The following PIEZO2 variants were observed in gnomAD, a reference collection of about 807,000 sequenced individuals.
The protein encoded by PIEZO2 is piezo type mechanosensitive ion channel component 2.
Under a neutral mutation model 337.3 loss-of-function variants are expected in PIEZO2, and 172 were observed. The observed-to-expected ratio is 0.51, with a 90% CI of 0.45 to 0.58. The LOEUF is 0.58. PIEZO2 is among the 20% of genes least tolerant of loss of function. PIEZO2 has a pLI of 0.00. For missense variants in PIEZO2, 3,028 were observed against 3,391.3 expected, an observed-to-expected ratio of 0.89 and a Z score of 2.66; for synonymous variants, 1,251 against 1,228.5, an observed-to-expected ratio of 1.02 and a Z score of -0.38.
intron 3 of PIEZO2, among the ~76,000 whole-genome samples, chr18:10,972,490 A>G (rs1197304628): frequency 1.3e-5 from 2 of 152,088 alleles, no homozygotes; most frequent in Admixed American, 1.3e-4. Flanking sequence ...TGCGGTGGAG[A>G]GGTTGCTAAG....
At chr18:10,920,251 G>C (rs182695229) in intron 3 of PIEZO2, among the ~76,000 whole-genome samples, 1 of 152,192 alleles carries the variant, frequency 6.6e-6, no homozygotes. Flanking sequence ...GAAACAATGG[G>C]GCAATTGGGC....
intron 3 of PIEZO2, among the ~76,000 whole-genome samples, chr18:10,947,293 C>T (rs1482499942): frequency 1.3e-5 from 2 of 152,110 alleles, no homozygotes; most frequent in African/African-American, 4.8e-5. Flanking sequence ...AAGGGAATGA[C>T]ATTTCAAATT....
Position 10,828,116 on chromosome 18 carries a change from G to A in PIEZO2, c.918-20842C>T, listed in dbSNP as rs573611637. 6.2e-4 allele frequency among the ~76,000 whole-genome samples: 80 copies of A among 128,438 alleles called. No homozygotes were observed. The highest frequency in any genetic ancestry group is 4.5e-3 in the South Asian group (18 of 3,968). The allele number at this position is 128,438 out of a possible 152,430, so 84.3% of individuals were successfully genotyped here. On this transcript the variant is annotated intron_variant, in intron 7 of 55. Transcript: ENST00000674853. The surrounding 1 kb of genome is among the most constrained non-coding windows in gnomAD (Gnocchi z 4.1). ...TAGACAAGCTCGAAATAGCATGACG[G>A]TTTTTTTTTGTTTGTTTGTTTTTGT...
In PIEZO2 at chr18:11,021,513, CAG is replaced by C. The variant is rs2036309175; in HGVS notation, c.161-41855_161-41854del. 6.6e-6 allele frequency among the ~76,000 whole-genome samples: 1 copy of C among 152,172 alleles called. No homozygotes were observed. Among genetic ancestry groups the C allele is most frequent in the Admixed American group, 6.5e-5 (1 of 15,282 alleles). On this transcript the variant is annotated intron_variant, in intron 2 of 55. Coordinates refer to ENST00000674853, the MANE Select transcript of PIEZO2 (RefSeq NM_001378183.1). This position sits in a 1 kb window ranked among gnomAD's most constrained non-coding sequence, Gnocchi z 4.7. The stretch of plus-strand genomic sequence containing the variant: ...TGCAAATTTGAGTTGAGTTTCTGAG[CAG>C]ACTCTCCTGCTTCAGCCGCCAATGG...
intron 2 of PIEZO2, among the ~76,000 whole-genome samples, chr18:11,036,035 C>T (rs974514017): frequency 1.3e-5 from 2 of 152,170 alleles, no homozygotes; most frequent in Non-Finnish European, 2.9e-5. Context: ...AGGCCTCTGT[C>T]CCTCATCCAG....
At chr18:10,730,120 C>T (rs1042606257) in intron 36 of PIEZO2, among the ~76,000 whole-genome samples, 2 of 152,162 alleles carry the variant, frequency 1.3e-5, no homozygotes, top group African/African-American at 2.4e-5. Context: ...AACACCTAGG[C>T]GTGGGACTGA....
At chr18:10,807,394 T>C (rs754300349) in intron 7 of PIEZO2, 120 bp from the exon 8 acceptor site, 10 of 856,754 alleles carry the variant, frequency 1.2e-5, no homozygotes, top group Non-Finnish European at 1.7e-5. Flanking sequence ...TCCGTTCTAT[T>C]GTAGATATTT....
chr18:10,802,213 A>G (rs2039848559), intron 9 of PIEZO2, among the ~76,000 whole-genome samples: 1 of 152,128 alleles, frequency 6.6e-6, no homozygotes, highest in African/African-American at 2.4e-5. Flanking sequence ...CTTTTTAACT[A>G]GTAATACATT....
Position 10,954,109 on chromosome 18 carries a change from T to C in PIEZO2, c.286+25426A>G, listed in dbSNP as rs1049641181. On this transcript the variant is annotated intron_variant, in intron 3 of 55. Transcript: ENST00000674853. This position sits in a 1 kb window ranked among gnomAD's most constrained non-coding sequence, Gnocchi z 4.2. ...TATATAACTCAGTCTTGAAATCAGA[T>C]AGTGTAAATCTTCAAATTTTTATTT... Among the ~76,000 whole-genome samples, 9 of 152,208 alleles carry C rather than the reference T, an allele frequency of 5.9e-5. No homozygotes were observed. The highest frequency in any genetic ancestry group is 1.9e-4 in the African/African-American group (8 of 41,454).
Position 11,149,244 on chromosome 18 carries a change from G to A in PIEZO2, c.-656C>T, listed in dbSNP as rs1363733548. On this transcript the variant is annotated 5_prime_UTR_variant, in exon 1 of 56. Transcript: ENST00000674853. This position sits in a 1 kb window ranked among gnomAD's most constrained non-coding sequence, Gnocchi z 8.7. The stretch of plus-strand genomic sequence containing the variant: ...CTCAGCCCCTGCGCCCCCCAGCTTC[G>A]GGCCGGAGAGACCGGGGTGGGAGCT... Among the ~76,000 whole-genome samples, 3 of 151,814 alleles carry A rather than the reference G, an allele frequency of 2.0e-5. No individual in the cohort carries two copies. The highest frequency in any genetic ancestry group is 4.4e-5 in the Non-Finnish European group (3 of 67,914).
chr18:11,091,941 G>A lies in PIEZO2; in HGVS notation c.65-25719C>T, dbSNP rs371058235. ...TCACACGACAACCTCCTAAAGCAGA[G>A]AATTTCCTGCCACACGAGTCAGTAA... On this transcript the variant is annotated intron_variant, in intron 1 of 55. Coordinates refer to ENST00000674853, the MANE Select transcript of PIEZO2 (RefSeq NM_001378183.1). Among the ~76,000 whole-genome samples, 70 of 152,296 alleles carry A rather than the reference G, an allele frequency of 4.6e-4. No homozygotes were observed. The South Asian group carries it at 0.014, about 31-fold the overall frequency.
intron 45 of PIEZO2, among the ~76,000 whole-genome samples, chr18:10,697,207 G>T (rs7230646): frequency 0.1 from 15,849 of 152,094 alleles, 1,648 homozygotes; most frequent in African/African-American, 0.26. Flanking sequence ...TCAACGCCAC[G>T]TTCAGGTGCC....
chr18:10,938,595 C>T (rs2032531625), intron 3 of PIEZO2, among the ~76,000 whole-genome samples: 1 of 152,092 alleles, frequency 6.6e-6, no homozygotes, highest in Admixed American at 6.5e-5. Context: ...TAGGCTTTAC[C>T]TGTCATGAAT....
intron 45 of PIEZO2, among the ~76,000 whole-genome samples, chr18:10,696,816 C>T (rs1305665667): frequency 6.6e-6 from 1 of 152,162 alleles, no homozygotes; most frequent in African/African-American, 2.4e-5. Context: ...TGGTATGATG[C>T]CCTGGGAACG....
rs2035632082 is a variant in PIEZO2 at position 10,707,467 on chromosome 18, C to T, written c.5588+808G>A. Reference sequence around the variant, plus strand: ...CACGGCTGCCAGTGAAAAGAAGATGCCCTCTGACTTGCCACCATGAGCAGT... The same window carrying T: ...CACGGCTGCCAGTGAAAAGAAGATGTCCTCTGACTTGCCACCATGAGCAGT... On this transcript the variant is annotated intron_variant, in intron 40 of 55. Transcript: ENST00000674853. The surrounding 1 kb of genome is among the most constrained non-coding windows in gnomAD (Gnocchi z 4.2). 6.6e-6 allele frequency among the ~76,000 whole-genome samples: 1 copy of T among 152,070 alleles called. No homozygotes were observed. The highest frequency in any genetic ancestry group is 2.1e-4 in the South Asian group (1 of 4,814).
chr18:10,807,582 C>T (rs1405793731), intron 7 of PIEZO2, among the ~76,000 whole-genome samples: 2 of 152,194 alleles, frequency 1.3e-5, no homozygotes, highest in Non-Finnish European at 2.9e-5. Flanking sequence ...AATTCTTGCA[C>T]ATCTATTAGA....
chr18:10,959,007 G>C (rs747785326), intron 3 of PIEZO2, among the ~76,000 whole-genome samples: 2 of 152,122 alleles, frequency 1.3e-5, no homozygotes, highest in Non-Finnish European at 2.9e-5. Flanking sequence ...TAAAATAAAT[G>C]CCTGTGACTG....
chr18:10,938,760 T>C (rs1555679300), intron 3 of PIEZO2, among the ~76,000 whole-genome samples: 1 of 152,206 alleles, frequency 6.6e-6, no homozygotes, highest in Non-Finnish European at 1.5e-5. Context: ...ATGAAAGAGA[T>C]AACTAGGTAA....
chr18:10,999,399 A>G (rs1044866553), intron 2 of PIEZO2, among the ~76,000 whole-genome samples: 20 of 152,168 alleles, frequency 1.3e-4, no homozygotes, highest in African/African-American at 4.8e-4. Context: ...TCAACCAACC[A>G]TGGATGAAAA....
Sources: allele counts gnomAD v4.1 joint callset (sites outside exome capture counted in the v4.1 genomes callset), GRCh38; gene constraint gnomAD v4.1.1; non-coding constraint Gnocchi (gnomAD v3.1); transcripts MANE v1.5; gene names NCBI Gene and HGNC (gene_info 2026-07-23, HGNC 2026-07-21).